GRID1: variants seen among roughly 807,000 people sequenced by gnomAD.
GRID1 encodes the protein glutamate receptor ionotropic, delta-1.
A neutral mutation model predicts 98.0 loss-of-function variants in GRID1; 28 were observed. The ratio of observed to expected loss-of-function variants is 0.29; its 90% CI spans 0.21 to 0.39. GRID1 has a LOEUF of 0.39. GRID1 is among the 10% of genes least tolerant of loss of function. GRID1 has a pLI of 1.00. For synonymous variants in GRID1, 553 were observed against 538.5 expected, an observed-to-expected ratio of 1.03 and a Z score of -0.37; for missense variants, 1,111 against 1,340.5, an observed-to-expected ratio of 0.83 and a Z score of 2.67.
chr10:86,362,282 G>A (rs1290536317), intron 2 of GRID1, among the ~76,000 whole-genome samples: 1 of 152,184 alleles, frequency 6.6e-6, no homozygotes, highest in African/African-American at 2.4e-5. Context: ...CCGCTAAGAA[G>A]GCCCTGCCCT....
chr10:86,116,701 C>T (rs1844586672), intron 4 of GRID1, among the ~76,000 whole-genome samples: 2 of 152,094 alleles, frequency 1.3e-5, no homozygotes, highest in Non-Finnish European at 1.5e-5. Flanking sequence ...AAATCAAATG[C>T]CCCCCACCAC....
At chr10:85,690,188 C>A (rs1189056654) in intron 12 of GRID1, among the ~76,000 whole-genome samples, 1 of 151,996 alleles carries the variant, frequency 6.6e-6, no homozygotes, top group Non-Finnish European at 1.5e-5. Flanking sequence ...TTGATTTGTG[C>A]ATTTTTCTTT....
chr10:86,120,001 C>T (rs940940145), intron 4 of GRID1, among the ~76,000 whole-genome samples: 4 of 151,808 alleles, frequency 2.6e-5, no homozygotes, highest in East Asian at 1.9e-4. Context: ...GGGGTTTCAA[C>T]GTGTTAGCAA....
chr10:86,121,196 C>T (rs552045241), intron 4 of GRID1, among the ~76,000 whole-genome samples: 1 of 152,014 alleles, frequency 6.6e-6, no homozygotes, highest in Non-Finnish European at 1.5e-5. Flanking sequence ...TCCTCCTGGG[C>T]CTCCACCTGT....
intron 4 of GRID1, among the ~76,000 whole-genome samples, chr10:85,998,568 G>T (rs1329585278): frequency 6.6e-6 from 1 of 152,048 alleles, no homozygotes; most frequent in Non-Finnish European, 1.5e-5. Flanking sequence ...TAAGCTTTTA[G>T]CTTTTATCTT....
At chr10:85,675,539 C>A (rs1358069551) in intron 12 of GRID1, among the ~76,000 whole-genome samples, 1 of 152,136 alleles carries the variant, frequency 6.6e-6, no homozygotes, top group Non-Finnish European at 1.5e-5. Flanking sequence ...GCCTCAAGTT[C>A]CTTAAGGGAG....
chr10:86,080,445 AGGGGAGGGGAGGGGAGGGG>A (rs1843958304), intron 4 of GRID1, among the ~76,000 whole-genome samples: 3 of 16,800 alleles, frequency 1.8e-4, no homozygotes, highest in African/African-American at 4.5e-4. Context: ...AGGGGAGGGG[AGGGGAGGGGAGGGGAGGGG>A]AGGGAAGGGA....
At chr10:85,892,024 G>C (rs1448147704) in intron 5 of GRID1, among the ~76,000 whole-genome samples, 1 of 151,650 alleles carries the variant, frequency 6.6e-6, no homozygotes, top group East Asian at 1.9e-4. Flanking sequence ...AGAAGATAGA[G>C]CAAAACATGC....
chr10:85,865,873 G>C (rs552146421), intron 6 of GRID1, among the ~76,000 whole-genome samples: 1 of 143,346 alleles, frequency 7.0e-6, no homozygotes, highest in East Asian at 2.1e-4. Flanking sequence ...GCAACAAATG[G>C]AGACAGAGAT....
At chr10:85,894,341 C>A (rs528697718) in intron 5 of GRID1, among the ~76,000 whole-genome samples, 2 of 152,060 alleles carry the variant, frequency 1.3e-5, no homozygotes, top group African/African-American at 4.8e-5. Context: ...CAACAACATG[C>A]GTGTGTCTCA....
At chr10:85,980,351 G>C (rs1842529629) in intron 4 of GRID1, among the ~76,000 whole-genome samples, 1 of 152,232 alleles carries the variant, frequency 6.6e-6, no homozygotes, top group East Asian at 1.9e-4. Context: ...AAGAAACAGT[G>C]GGACTGTGAT....
chr10:86,013,594 T>C (rs1842945234), intron 4 of GRID1, among the ~76,000 whole-genome samples: 1 of 152,314 alleles, frequency 6.6e-6, no homozygotes, highest in South Asian at 2.1e-4. Flanking sequence ...CAAAAATTAC[T>C]AGAAGCAGTT....
chr10:85,760,953 C>T (rs1842141926), intron 8 of GRID1, among the ~76,000 whole-genome samples: 1 of 152,166 alleles, frequency 6.6e-6, no homozygotes, highest in South Asian at 2.1e-4. Context: ...CACTCACACC[C>T]ATGAGCTGTG....
intron 2 of GRID1, among the ~76,000 whole-genome samples, chr10:86,353,666 T>A (rs1301995817): frequency 2.0e-5 from 3 of 152,162 alleles, no homozygotes; most frequent in Non-Finnish European, 4.4e-5. Flanking sequence ...CAGCTCCAGT[T>A]GGGGTTCTGT....
At position 85,916,042 on chromosome 10, in the gene GRID1, T is replaced by G; in HGVS notation, c.780+144A>C. 1 of 660,986 alleles carries G rather than the reference T, an allele frequency of 1.5e-6. No individual in the cohort carries two copies. Among genetic ancestry groups the G allele is most frequent in the Non-Finnish European group, 2.7e-6 (1 of 374,978 alleles). The allele number at this position is 660,986 out of a possible 1,614,324, so 40.9% of individuals were successfully genotyped here. The stretch of plus-strand genomic sequence containing the variant: ...CCCTGCTAGGTCAAGTTCAACTCTT[T>G]GAGTTTTTGCCTGGGCTAGGTGGAG... On this transcript the variant is annotated intron_variant, in intron 5 of 15. Coordinates refer to ENST00000327946, the MANE Select transcript of GRID1 (RefSeq NM_017551.3). The surrounding 1 kb of genome is among the most constrained non-coding windows in gnomAD (Gnocchi z 4.0).
intron 4 of GRID1, among the ~76,000 whole-genome samples, chr10:86,016,569 C>T (rs1842983797): frequency 6.6e-6 from 1 of 152,170 alleles, no homozygotes; most frequent in South Asian, 2.1e-4. Flanking sequence ...TCCTATCCCC[C>T]AGCAGCCGAG....
chr10:85,961,246 C>T (rs1842262650), intron 4 of GRID1, among the ~76,000 whole-genome samples: 1 of 152,208 alleles, frequency 6.6e-6, no homozygotes, highest in Non-Finnish European at 1.5e-5. Flanking sequence ...TATCATGCGG[C>T]ACTGGGTTCT....
intron 4 of GRID1, among the ~76,000 whole-genome samples, chr10:86,138,028 C>G (rs1844953825): frequency 6.6e-6 from 1 of 152,058 alleles, no homozygotes; most frequent in Non-Finnish European, 1.5e-5. Context: ...CCTTGGCCAC[C>G]CTGTGACCTG....
intron 12 of GRID1, among the ~76,000 whole-genome samples, chr10:85,696,674 T>C (rs956582192): frequency 1.3e-5 from 2 of 152,056 alleles, no homozygotes; most frequent in Non-Finnish European, 2.9e-5. Flanking sequence ...ATTTTTTCTT[T>C]CAGATTACAT....
Sources: gnomAD v4.1 joint callset for allele counts (sites outside exome capture counted in the v4.1 genomes callset) on GRCh38, gnomAD v4.1.1 for gene constraint, Gnocchi (gnomAD v3.1) non-coding constraint, MANE v1.5 for transcripts, NCBI Gene and HGNC (gene_info 2026-07-23, HGNC 2026-07-21) for gene names.